Variants in ZNF586 observed in about 807,000 individuals in gnomAD.
ZNF586 encodes zinc finger protein 586.
Under a neutral mutation model 6.7 loss-of-function variants are expected in ZNF586, and 7 were observed. The ratio of observed to expected loss-of-function variants is 1.04; its 90% CI spans 0.59 to 1.95. ZNF586 has a LOEUF of 1.95. Among genes scored for constraint, ZNF586 ranks in the 30% most tolerant of loss-of-function variants. The pLI is 0.00. For missense variants in ZNF586, 442 were observed against 489.6 expected (o/e 0.90, Z 0.92); for synonymous variants, 166 against 168.7 (o/e 0.98, Z 0.12).
At position 57,778,822 on chromosome 19, in the gene ZNF586, C is replaced by G. The variant is rs749576838; in HGVS notation, c.235C>G (p.Gln79Glu). The part of the protein sequence containing the change: ...QSTCIHIYKD[Q>E]GGHSGERPYE... ...CACGTGTATACATATATACAAAGACCAGGGAGGTCATAGTGGAGAAAGGCC... is the reference window on the plus strand; with the variant it reads ...CACGTGTATACATATATACAAAGACGAGGGAGGTCATAGTGGAGAAAGGCC... Residue 79 changes from glutamine (Q) to glutamate (E), a missense_variant, in exon 3 of 3, where the codon CAG becomes GAG. Transcript: ENST00000396154. 2.5e-6 allele frequency: 4 copies of G among 1,613,966 alleles called. No individual in the cohort carries two copies. The Admixed American group carries it at 5.0e-5, about 20-fold the overall frequency.
intron 1 of ZNF586, among the ~76,000 whole-genome samples, chr19:57,774,571 T>TAAAA (rs1239133206): frequency 1.3e-4 from 18 of 142,840 alleles, no homozygotes; most frequent in South Asian, 2.2e-4. Context: ...AATAAATAAA[T>TAAAA]AAAAAGTCAT....
At chr19:57,772,065 A>C (rs889688086) in intron 1 of ZNF586, among the ~76,000 whole-genome samples, 5 of 151,708 alleles carry the variant, frequency 3.3e-5, no homozygotes, top group Non-Finnish European at 4.4e-5. Flanking sequence ...CTCGTGATCC[A>C]CCCGCCTTGG....
chr19:57,774,421 G>T (rs1987176062), intron 1 of ZNF586, among the ~76,000 whole-genome samples: 1 of 151,616 alleles, frequency 6.6e-6, no homozygotes, highest in African/African-American at 2.4e-5. Context: ...TACTCGGGAG[G>T]CTGAGGCAGG....
intron 1 of ZNF586, among the ~76,000 whole-genome samples, chr19:57,774,357 T>C (rs1987173197): frequency 6.6e-6 from 1 of 151,364 alleles, no homozygotes; most frequent in African/African-American, 2.4e-5. Flanking sequence ...ACCCCGTCTC[T>C]ACTAAAAAAT....
intron 1 of ZNF586, chr19:57,774,794 T>C: frequency 1.0e-6 from 1 of 981,430 alleles, no homozygotes; most frequent in African/African-American, 1.7e-5. Flanking sequence ...AGCCACATTA[T>C]GGTGTAAGCC....
intron 1 of ZNF586, among the ~76,000 whole-genome samples, chr19:57,771,714 G>T (rs1987102102): frequency 6.6e-6 from 1 of 152,178 alleles, no homozygotes; most frequent in Non-Finnish European, 1.5e-5. Context: ...GTTGAGGGAG[G>T]AGGAAGATCA....
At chr19:57,774,692 A>C in intron 1 of ZNF586, 1 of 964,856 alleles carries the variant, frequency 1.0e-6, no homozygotes, top group Non-Finnish European at 1.2e-6. Context: ...CGTCAGAATG[A>C]TTTGGGGCTA....
At position 57,779,366 on chromosome 19, in the gene ZNF586, G is replaced by C; in HGVS notation, c.779G>C (p.Arg260Thr). Reference sequence around the variant, plus strand: ...CACTTGAGAGTTCACACAGGAGAAAGGCCTTATGAATGCGTTGAGTGTGGA... The same window carrying C: ...CACTTGAGAGTTCACACAGGAGAAACGCCTTATGAATGCGTTGAGTGTGGA... The part of the protein sequence containing the change: ...IKHLRVHTGE[R>T]PYECVECGKS... Residue 260 changes from arginine (R) to threonine (T), a missense_variant, in exon 3 of 3, where the codon AGG (arginine) becomes ACG (threonine). Coordinates refer to ENST00000396154, the MANE Select transcript of ZNF586 (RefSeq NM_017652.4). 6.2e-7 allele frequency: 1 copy of C among 1,610,852 alleles called. No individual in the cohort carries two copies. The highest frequency in any genetic ancestry group is 8.5e-7 in the Non-Finnish European group (1 of 1,179,314).
At chr19:57,775,905 C>CTT in intron 1 of ZNF586, among the ~76,000 whole-genome samples, 1 of 152,288 alleles carries the variant, frequency 6.6e-6, no homozygotes, top group Admixed American at 6.5e-5. Flanking sequence ...CCCGGCCACT[C>CTT]TCTCTTATGC....
At chr19:57,777,771 T>TG (rs1372185359) in intron 2 of ZNF586, among the ~76,000 whole-genome samples, 1 of 146,284 alleles carries the variant, frequency 6.8e-6, no homozygotes, top group African/African-American at 2.5e-5. Context: ...TTTTTTTTTT[T>TG]TGAGATGGAG....
Position 57,780,114 on chromosome 19 carries a change from A to G in ZNF586, c.*318A>G, listed in dbSNP as rs1333425194. The G allele has an allele frequency of 3.1e-6, 1 of 321,606 alleles. No homozygotes were observed. Among genetic ancestry groups the G allele is most frequent in the East Asian group, 5.9e-5 (1 of 17,000 alleles). 19.9% of individuals were successfully genotyped at this position (321,606 alleles called of 1,614,324 possible). A position where few individuals can be genotyped will look rare whatever the true frequency, so the allele number is the denominator to read the frequency against. The stretch of plus-strand genomic sequence containing the variant: ...TGAGGATGCCATCTGCCTAAATTGA[A>G]TGTCATACATCAAATAGCTGCATAC... On this transcript the variant is annotated 3_prime_UTR_variant, in exon 3 of 3. Transcript: ENST00000396154.
chr19:57,771,427 A>AC (rs1344901556), intron 1 of ZNF586, among the ~76,000 whole-genome samples: 5 of 151,974 alleles, frequency 3.3e-5, no homozygotes, highest in African/African-American at 1.2e-4. Context: ...CCAAGCAGGA[A>AC]CTACCGCACC....
intron 1 of ZNF586, among the ~76,000 whole-genome samples, chr19:57,770,695 C>G (rs1384182191): frequency 6.6e-6 from 1 of 152,186 alleles, no homozygotes; most frequent in East Asian, 1.9e-4. Flanking sequence ...ACAGAGAAGC[C>G]TGAGTCTATC....
intron 1 of ZNF586, 92 bp downstream of exon 1, chr19:57,769,970 C>A: frequency 8.2e-7 from 1 of 1,219,734 alleles, no homozygotes; most frequent in Non-Finnish European, 1.1e-6. Context: ...GTCCCTGCAG[C>A]CCAGGCCTCT....
chr19:57,779,206 G>C lies in ZNF586; in HGVS notation c.619G>C (p.Glu207Gln). 1 of 1,614,006 alleles carries C rather than the reference G, an allele frequency of 6.2e-7. No homozygotes were observed. The highest frequency in any genetic ancestry group is 8.5e-7 in the Non-Finnish European group (1 of 1,179,998). Residue 207 changes from glutamate to glutamine, a missense_variant, in exon 3 of 3, where the codon GAA (glutamate) becomes CAA (glutamine). By Grantham distance (29) the Glu-to-Gln change is conservative (BLOSUM62 2). Transcript: ENST00000396154. ...AGTTCACTCTGGAGCAAAGCGTTATGAATGCAATGAATGTGGGAAGTCCTT... is the reference window on the plus strand; with the variant it reads ...AGTTCACTCTGGAGCAAAGCGTTATCAATGCAATGAATGTGGGAAGTCCTT... ...RKVHSGAKRY[E>Q]CNECGKSFAY...
intron 1 of ZNF586, among the ~76,000 whole-genome samples, chr19:57,774,211 C>T (rs1186815826): frequency 3.1e-5 from 3 of 97,288 alleles, no homozygotes; most frequent in South Asian, 3.1e-4. Context: ...AGTGAAACTC[C>T]GTCTCAAAAA....
rs184729076 is a variant in ZNF586 at position 57,775,109 on chromosome 19, G to A, written c.37-1434G>A. Among the ~76,000 whole-genome samples, 1,044 of 151,296 alleles carry A rather than the reference G, an allele frequency of 6.9e-3. 7 individuals are homozygous for A. The highest frequency in any genetic ancestry group is 0.018 in the East Asian group (90 of 5,114). The stretch of plus-strand genomic sequence containing the variant: ...CGCCTCCTGGGTTCATGATTCTCCC[G>A]CCTCAGCCTCCTGAGTACCTGGGAC... On this transcript the variant is annotated intron_variant, in intron 1 of 2. Transcript: ENST00000396154.
intron 1 of ZNF586, among the ~76,000 whole-genome samples, chr19:57,776,014 C>T (rs1987228178): frequency 6.6e-6 from 1 of 152,202 alleles, no homozygotes; most frequent in South Asian, 2.1e-4. Context: ...GACTTGTGTT[C>T]AGCGTCAGGT....
chr19:57,778,708 A>T (rs775902616), intron 2 of ZNF586, 43 bp from the exon 3 acceptor site: 9 of 1,544,948 alleles, frequency 5.8e-6, no homozygotes, highest in Non-Finnish European at 6.1e-6. Context: ...CTGCATACTC[A>T]ACAAAGTCAA....
Sources: gnomAD v4.1 joint callset for allele counts (sites outside exome capture counted in the v4.1 genomes callset) on GRCh38, gnomAD v4.1.1 for gene constraint, MANE v1.5 for transcripts, NCBI Gene and HGNC (gene_info 2026-07-23, HGNC 2026-07-21) for gene names.